Variants in TMEFF1 observed in about 807,000 individuals in gnomAD.
TMEFF1 encodes transmembrane protein with EGF like and two follistatin like domains 1.
Under a neutral mutation model 47.5 loss-of-function variants are expected in TMEFF1, and 20 were observed. That is an observed-to-expected ratio of 0.42 (90% CI 0.30 to 0.61). The LOEUF is 0.61. TMEFF1 is among the 20% of genes least tolerant of loss of function. The pLI, the probability that TMEFF1 is intolerant of heterozygous loss-of-function variation, is 0.19. For synonymous variants in TMEFF1, 162 were observed against 166.3 expected (o/e 0.97, Z 0.20); for missense variants, 411 against 471.1 (o/e 0.87, Z 1.18).
intron 1 of TMEFF1, among the ~76,000 whole-genome samples, chr9:100,490,506 A>G (rs548396101): frequency 6.6e-6 from 1 of 152,158 alleles, no homozygotes; most frequent in Non-Finnish European, 1.5e-5. Context: ...AAAAAAGTGA[A>G]TATTTGTTGT....
rs1200528036 is a variant in TMEFF1, at chr9:100,485,792, A to G, written c.196+12052A>G. Among the ~76,000 whole-genome samples, 4 of 152,274 alleles carry G rather than the reference A, an allele frequency of 2.6e-5. No individual in the cohort carries two copies. The East Asian group carries it at 5.8e-4, about 22-fold the overall frequency. Reference sequence around the variant, plus strand: ...TACTTCTCATGTACTTGGAAATTCTATACTTAAATCTGAAAATTCTCTCCG... The same window carrying G: ...TACTTCTCATGTACTTGGAAATTCTGTACTTAAATCTGAAAATTCTCTCCG... On this transcript the variant is annotated intron_variant, in intron 1 of 9. Transcript: ENST00000374879.
intron 5 of TMEFF1, among the ~76,000 whole-genome samples, chr9:100,540,060 T>G (rs1358911496): frequency 6.6e-6 from 1 of 152,164 alleles, no homozygotes; most frequent in African/African-American, 2.4e-5. Context: ...GAGTGCTGAT[T>G]GGTGCGTTTA....
chr9:100,473,570 C>A lies in TMEFF1; in HGVS notation c.26C>A (p.Pro9Gln), dbSNP rs1201409005. ...ATGGGCGCCGCAGCCGCTGAGGCGC[C>A]GCTCCGGCTGCCTGCCGCGCCTCCG... MGAAAAEA[P>Q]LRLPAAPPLA... The change falls in exon 1 of 10, where the codon CCG becomes CAG. Residue 9 changes from proline (P) to glutamine (Q), a missense_variant. Physicochemically the swap from Pro to Gln is moderately conservative, Grantham distance 76 (BLOSUM62 -1). Transcript: ENST00000374879. This position sits in a 1 kb window ranked among gnomAD's most constrained non-coding sequence, Gnocchi z 5.4. 6.5e-6 allele frequency: 10 copies of A among 1,541,958 alleles called. No individual in the cohort carries two copies. Among genetic ancestry groups the A allele is most frequent in the Non-Finnish European group, 8.7e-6 (10 of 1,146,472 alleles).
At chr9:100,509,951 T>A (rs1341842949) in intron 3 of TMEFF1, among the ~76,000 whole-genome samples, 2 of 152,184 alleles carry the variant, frequency 1.3e-5, no homozygotes, top group Non-Finnish European at 2.9e-5. Context: ...TTAATGTTAT[T>A]TTCTTGTGTT....
In TMEFF1 at chr9:100,565,272, C is replaced by T. The variant is rs371338671; in HGVS notation, c.899+3752C>T. ...CATTTATTGATCCTATCACCTTTTC[C>T]GTGTCCCTCCCTGGATATTCTCTTC... On this transcript the variant is annotated intron_variant, in intron 8 of 9. Transcript: ENST00000374879. 3.3e-5 allele frequency among the ~76,000 whole-genome samples: 5 copies of T among 152,250 alleles called. No homozygotes were observed. The South Asian group carries it at 6.2e-4, about 19-fold the overall frequency.
At chr9:100,571,959 C>T (rs964496853) in intron 8 of TMEFF1, among the ~76,000 whole-genome samples, 6 of 152,086 alleles carry the variant, frequency 3.9e-5, no homozygotes, top group South Asian at 2.1e-4. Flanking sequence ...TGACAGGAGG[C>T]GGAGCTTGGG....
intron 1 of TMEFF1, among the ~76,000 whole-genome samples, chr9:100,494,206 CAAAAAAAAAAAAA>C (rs543991655): frequency 1.8e-5 from 1 of 54,242 alleles, no homozygotes; most frequent in African/African-American, 6.3e-5. Flanking sequence ...GACCTTGTCT[CAAAAAAAAAAAAA>C]AAAAAAAAAA....
At chr9:100,521,702 C>G (rs988218330) in intron 5 of TMEFF1, among the ~76,000 whole-genome samples, 13 of 152,164 alleles carry the variant, frequency 8.5e-5, no homozygotes, top group Non-Finnish European at 1.9e-4. Flanking sequence ...AATCCCTGCC[C>G]AGGAATGGTG....
chr9:100,496,195 G>C (rs1024482163), intron 1 of TMEFF1, among the ~76,000 whole-genome samples: 22 of 152,182 alleles, frequency 1.4e-4, no homozygotes, highest in Admixed American at 1.3e-4. Flanking sequence ...CAAGTCTTTA[G>C]AAGGGACTGT....
intron 5 of TMEFF1, among the ~76,000 whole-genome samples, chr9:100,531,209 T>A (rs1184985298): frequency 6.6e-6 from 1 of 152,124 alleles, no homozygotes; most frequent in African/African-American, 2.4e-5. Context: ...CCACTCCTAT[T>A]CAACATAGTG....
intron 1 of TMEFF1, among the ~76,000 whole-genome samples, chr9:100,496,502 A>T (rs912446369): frequency 6.6e-6 from 1 of 152,236 alleles, no homozygotes; most frequent in African/African-American, 2.4e-5. Flanking sequence ...AGCCTCCCAA[A>T]GTGCTGGGAT....
intron 2 of TMEFF1, among the ~76,000 whole-genome samples, 190 bp from the exon 3 acceptor site, chr9:100,508,815 A>T (rs1296240760): frequency 6.8e-6 from 1 of 147,520 alleles, no homozygotes; most frequent in Non-Finnish European, 1.5e-5. Context: ...GTTGGTAGTT[A>T]TTTTCCTTAT....
intron 5 of TMEFF1, among the ~76,000 whole-genome samples, chr9:100,530,640 C>T (rs1479311091): frequency 1.3e-5 from 2 of 152,010 alleles, no homozygotes; most frequent in African/African-American, 4.8e-5. Context: ...GATTCACAGC[C>T]GAATTCTACC....
intron 1 of TMEFF1, among the ~76,000 whole-genome samples, chr9:100,480,431 A>G (rs1358370889): frequency 6.6e-6 from 1 of 152,252 alleles, no homozygotes; most frequent in East Asian, 1.9e-4. Context: ...TGAATACAAA[A>G]AGTTGTTTTT....
chr9:100,519,267 G>A (rs1287802299), intron 5 of TMEFF1, among the ~76,000 whole-genome samples: 1 of 152,010 alleles, frequency 6.6e-6, no homozygotes, highest in Admixed American at 6.6e-5. Flanking sequence ...AATTAGCTGG[G>A]TGTGGTGGCA....
chr9:100,496,952 T>C (rs191055620), intron 1 of TMEFF1, among the ~76,000 whole-genome samples: 97 of 152,354 alleles, frequency 6.4e-4, no homozygotes, highest in African/African-American at 2.3e-3. Flanking sequence ...TGAGCAGATA[T>C]TGTACATTCT....
Position 100,473,348 on chromosome 9 carries a change from C to A in TMEFF1, c.-197C>A. ...CCGCGACCCTCGCACGCGCCCGGACCCGCCGACTCCGTCCCGAGCGCCGCG... is the reference window on the plus strand; with the variant it reads ...CCGCGACCCTCGCACGCGCCCGGACACGCCGACTCCGTCCCGAGCGCCGCG... On this transcript the variant is annotated 5_prime_UTR_variant, in exon 1 of 10. Coordinates refer to ENST00000374879, the MANE Select transcript of TMEFF1 (RefSeq NM_003692.5). This position sits in a 1 kb window ranked among gnomAD's most constrained non-coding sequence, Gnocchi z 5.4. The A allele has an allele frequency of 3.6e-6, 1 of 280,374 alleles. No homozygotes were observed. The highest frequency in any genetic ancestry group is 1.5e-4 in the South Asian group (1 of 6,758). 17.4% of individuals were successfully genotyped at this position (280,374 alleles called of 1,614,324 possible).
chr9:100,524,323 C>T (rs1208489244), intron 5 of TMEFF1, among the ~76,000 whole-genome samples: 3 of 152,150 alleles, frequency 2.0e-5, no homozygotes, highest in East Asian at 1.9e-4. Context: ...AAATAGAATA[C>T]TGCTATTATT....
chr9:100,536,992 T>C (rs1348245373), intron 5 of TMEFF1, among the ~76,000 whole-genome samples: 2 of 152,208 alleles, frequency 1.3e-5, no homozygotes, highest in Non-Finnish European at 2.9e-5. Flanking sequence ...TCTGAAGAGA[T>C]GTTACATGAT....
Sources: gnomAD v4.1 joint callset for allele counts (sites outside exome capture counted in the v4.1 genomes callset) on GRCh38, gnomAD v4.1.1 for gene constraint, Gnocchi (gnomAD v3.1) non-coding constraint, MANE v1.5 for transcripts, NCBI Gene and HGNC (gene_info 2026-07-23, HGNC 2026-07-21) for gene names.